LYZL4: variants seen among roughly 807,000 people sequenced by gnomAD.
LYZL4 encodes the protein lysozyme-like protein 4.
Under a neutral mutation model 17.6 loss-of-function variants are expected in LYZL4, and 13 were observed. The observed-to-expected ratio is 0.74, with a 90% CI of 0.48 to 1.18. LYZL4 has a LOEUF of 1.18. Among genes scored for constraint, LYZL4 ranks in the 50% most tolerant of loss-of-function variants. LYZL4 has a pLI of 0.00. For synonymous variants in LYZL4, 64 were observed against 67.7 expected, an observed-to-expected ratio of 0.95 and a Z score of 0.27; for missense variants, 174 against 188.2, an observed-to-expected ratio of 0.92 and a Z score of 0.44.
chr3:42,410,134 TCTGTTCA>T (rs1178398536), intron 1 of LYZL4, among the ~76,000 whole-genome samples: 1 of 152,222 alleles, frequency 6.6e-6, no homozygotes, highest in Non-Finnish European at 1.5e-5. Context: ...TGCTCATTTA[TCTGTTCA>T]CTTGCTTATT....
the LYZL4 span, among the ~76,000 whole-genome samples, chr3:42,380,475 C>T: frequency 0.54 from 82,296 of 152,120 alleles, 23,663 homozygotes; most frequent in East Asian, 0.84. Flanking sequence ...GGCAGCTGAA[C>T]CATGTTAAAT....
At chr3:42,390,384 T>C in the LYZL4 span, among the ~76,000 whole-genome samples, 1 of 152,158 alleles carries the variant, frequency 6.6e-6, no homozygotes, top group African/African-American at 2.4e-5. Flanking sequence ...GATGAAGTTT[T>C]TGCATGTTCT....
At chr3:42,396,325 C>A (rs886533289), downstream of LYZL4, among the ~76,000 whole-genome samples, 2 of 152,180 alleles carry the variant, frequency 1.3e-5, no homozygotes, top group Non-Finnish European at 1.5e-5. Context: ...ACCTGCTGAG[C>A]AGATACCTGT....
chr3:42,376,213 A>G, the LYZL4 span, among the ~76,000 whole-genome samples: 1 of 152,250 alleles, frequency 6.6e-6, no homozygotes, highest in Non-Finnish European at 1.5e-5. Context: ...CCAGGCCTGC[A>G]GTGGAATCCA....
At chr3:42,407,908 C>T (rs1180270534) in intron 1 of LYZL4, among the ~76,000 whole-genome samples, 1 of 152,190 alleles carries the variant, frequency 6.6e-6, no homozygotes, top group Non-Finnish European at 1.5e-5. Context: ...AGACCTGCCA[C>T]ATACTAGCCA....
the LYZL4 span, among the ~76,000 whole-genome samples, chr3:42,390,105 G>A: frequency 6.6e-6 from 1 of 152,214 alleles, no homozygotes; most frequent in African/African-American, 2.4e-5. Flanking sequence ...TTTATGGGAG[G>A]TAGCTAATGA....
chr3:42,407,253 T>C lies in LYZL4; in HGVS notation c.-2A>G, dbSNP rs545067202. Reference sequence around the variant, plus strand: ...GGAGAGAACCACGGATGCCTTCATCTTCTCCAGGCTCCTGGCAGGTCAGGG... The same window carrying C: ...GGAGAGAACCACGGATGCCTTCATCCTCTCCAGGCTCCTGGCAGGTCAGGG... On this transcript the variant is annotated 5_prime_UTR_variant, in exon 2 of 5. Transcript: ENST00000287748. 4 of 1,614,092 alleles carry C rather than the reference T, an allele frequency of 2.5e-6. No homozygotes were observed. In the East Asian group the frequency reaches 8.9e-5, roughly 36 times the overall value.
At chr3:42,379,881 C>A in the LYZL4 span, among the ~76,000 whole-genome samples, 3 of 152,050 alleles carry the variant, frequency 2.0e-5, no homozygotes, top group East Asian at 5.8e-4. Flanking sequence ...GGGGTAGGAC[C>A]CTTATCCTGG....
chr3:42,403,932 A>C, intron 4 of LYZL4, 114 bp downstream of exon 4: 1 of 668,380 alleles, frequency 1.5e-6, no homozygotes, highest in Non-Finnish European at 2.6e-6. Context: ...GGTGAGTCAG[A>C]GCCTTTTAGT....
At chr3:42,405,891 A>G (rs1698740561) in intron 3 of LYZL4, among the ~76,000 whole-genome samples, 1 of 152,124 alleles carries the variant, frequency 6.6e-6, no homozygotes, top group South Asian at 2.1e-4. Flanking sequence ...GATTGATTAG[A>G]TGAATTAATT....
At chr3:42,377,396 C>A in the LYZL4 span, among the ~76,000 whole-genome samples, 1 of 152,138 alleles carries the variant, frequency 6.6e-6, no homozygotes. Context: ...AACTATCCCC[C>A]AAGCAGTTCT....
the LYZL4 span, among the ~76,000 whole-genome samples, chr3:42,361,266 A>T: frequency 1.3e-5 from 2 of 152,086 alleles, no homozygotes; most frequent in Non-Finnish European, 2.9e-5. Context: ...ATCTGACAAC[A>T]TGTATTGTAG....
the LYZL4 span, among the ~76,000 whole-genome samples, chr3:42,369,161 A>T: frequency 1.3e-5 from 2 of 152,256 alleles, no homozygotes. Flanking sequence ...TAGAAAAGCT[A>T]TGTAATTAGA....
chr3:42,369,908 G>A, the LYZL4 span, among the ~76,000 whole-genome samples: 17 of 152,226 alleles, frequency 1.1e-4, no homozygotes, highest in East Asian at 1.4e-3. Flanking sequence ...TGTACTGGGC[G>A]TGGTGATGCA....
In LYZL4 at chr3:42,399,443, G is replaced by A. The variant is rs183957406; in HGVS notation, c.372-2109C>T. Among the ~76,000 whole-genome samples the A allele has an allele frequency of 4.0e-3, 607 of 152,328 alleles. 1 individual carries two copies. Among genetic ancestry groups the A allele is most frequent in the Middle Eastern group, 0.02 (6 of 294 alleles). On this transcript the variant is annotated intron_variant, in intron 4 of 4. Transcript: ENST00000287748. ...GGAACGAACTAAATTTTCTTCATTA[G>A]AGAACTGGCAGATAAATTACCTGCA... is the stretch of plus-strand genomic sequence containing the variant.
At chr3:42,406,113 C>T (rs1698743247) in intron 3 of LYZL4, among the ~76,000 whole-genome samples, 1 of 152,144 alleles carries the variant, frequency 6.6e-6, no homozygotes, top group Non-Finnish European at 1.5e-5. Context: ...CTGTCTCCTC[C>T]CAGTAACCAG....
chr3:42,406,477 A>AG (rs1265885337), intron 3 of LYZL4, among the ~76,000 whole-genome samples: 3 of 150,868 alleles, frequency 2.0e-5, no homozygotes, highest in Non-Finnish European at 4.4e-5. Context: ...AAAAAAAAAA[A>AG]AAAGAAAGAA....
downstream of LYZL4, among the ~76,000 whole-genome samples, chr3:42,393,754 T>C (rs1350947627): frequency 2.0e-5 from 3 of 152,156 alleles, no homozygotes; most frequent in Admixed American, 1.3e-4. Flanking sequence ...GTCAGACACA[T>C]GGCCCAGGAA....
the LYZL4 span, among the ~76,000 whole-genome samples, chr3:42,380,904 G>C: frequency 6.6e-6 from 1 of 152,186 alleles, no homozygotes; most frequent in Non-Finnish European, 1.5e-5. Context: ...TTTGTATTTG[G>C]CCATGTTATT....
Sources: gnomAD v4.1 joint callset for allele counts (sites outside exome capture counted in the v4.1 genomes callset) on GRCh38, gnomAD v4.1.1 for gene constraint, MANE v1.5 for transcripts, NCBI Gene and HGNC (gene_info 2026-07-23, HGNC 2026-07-21) for gene names.